The following PCSK2 variants were observed in gnomAD, a reference collection of about 807,000 sequenced individuals.
PCSK2 encodes neuroendocrine convertase 2.
PCSK2 carries 14 observed loss-of-function variants against 69.7 expected under a neutral mutation model. The observed-to-expected ratio is 0.20, with a 90% CI of 0.13 to 0.31. PCSK2 has a LOEUF of 0.31. Ranked by LOEUF, PCSK2 falls within the 10% of genes least tolerant of loss-of-function variation. PCSK2 has a pLI of 1.00. For synonymous variants in PCSK2, 307 were observed against 320.7 expected (o/e 0.96, Z 0.46); for missense variants, 544 against 842.5 (o/e 0.65, Z 4.39).
chr20:17,295,445 A>T (rs2123075166), intron 2 of PCSK2, among the ~76,000 whole-genome samples: 1 of 151,348 alleles, frequency 6.6e-6, no homozygotes, highest in East Asian at 1.9e-4. Flanking sequence ...ACTTCTACAG[A>T]TTTGTCCCTA....
Position 17,482,004 on chromosome 20 carries a change from G to GGAGCTGGAGGAA in PCSK2, c.1860_1871dup (p.Glu620_Leu623dup). 3.1e-6 allele frequency: 5 copies of GGAGCTGGAGGAA among 1,612,198 alleles called. No homozygotes were observed. In the South Asian group the frequency reaches 3.3e-5, roughly 11 times the overall value. ...CCAAGTTGGCCATGTCCAAGAAAGA[G>GGAGCTGGAGGAA]GAGCTGGAGGAAGAGCTGGACGAAG... is the stretch of plus-strand genomic sequence containing the variant. On this transcript the variant is annotated inframe_insertion, in exon 12 of 12. Transcript: ENST00000262545.
At chr20:17,271,029 A>G (rs1247845408) in intron 2 of PCSK2, among the ~76,000 whole-genome samples, 1 of 127,834 alleles carries the variant, frequency 7.8e-6, no homozygotes, top group Non-Finnish European at 1.6e-5. Flanking sequence ...ACTGGTTAAT[A>G]TCAAAGCCAC....
chr20:17,319,181 C>T (rs751689008), intron 2 of PCSK2, among the ~76,000 whole-genome samples: 17 of 152,086 alleles, frequency 1.1e-4, no homozygotes, highest in East Asian at 1.9e-4. Context: ...TACCAAGCTA[C>T]GCCCCGATAA....
intron 5 of PCSK2, among the ~76,000 whole-genome samples, chr20:17,401,581 A>T (rs2031638722): frequency 6.6e-6 from 1 of 152,216 alleles, no homozygotes; most frequent in Admixed American, 6.5e-5. Context: ...GAATGCTATT[A>T]TATGGAAGCA....
At chr20:17,351,913 C>G (rs766429128) in intron 2 of PCSK2, among the ~76,000 whole-genome samples, 1 of 152,166 alleles carries the variant, frequency 6.6e-6, no homozygotes, top group Non-Finnish European at 1.5e-5. Flanking sequence ...CAACTTATAT[C>G]TCTTCATTTA....
At chr20:17,444,857 A>G (rs2269018) in intron 8 of PCSK2, among the ~76,000 whole-genome samples, 4,008 of 152,334 alleles carry the variant, frequency 0.026, 148 homozygotes, top group East Asian at 0.18. Context: ...AATAAAACCC[A>G]TTGATGAGGT....
intron 2 of PCSK2, among the ~76,000 whole-genome samples, chr20:17,347,920 G>GA (rs1168583425): frequency 3.2e-5 from 2 of 63,060 alleles, no homozygotes; most frequent in African/African-American, 1.4e-4. Flanking sequence ...AAGAAAGAAA[G>GA]GAGAGAGAAA....
intron 1 of PCSK2, among the ~76,000 whole-genome samples, chr20:17,244,172 G>A (rs1600404507): frequency 6.6e-6 from 1 of 152,148 alleles, no homozygotes; most frequent in Non-Finnish European, 1.5e-5. Context: ...TTTAAATGCA[G>A]TAAAATGTTA....
intron 8 of PCSK2, among the ~76,000 whole-genome samples, chr20:17,442,894 A>C (rs1261081789): frequency 6.6e-6 from 1 of 152,216 alleles, no homozygotes; most frequent in African/African-American, 2.4e-5. Context: ...TTCTCCCTGC[A>C]AGTAACAGCC....
At chr20:17,430,834 C>T (rs2032348623) in intron 7 of PCSK2, among the ~76,000 whole-genome samples, 1 of 152,062 alleles carries the variant, frequency 6.6e-6, no homozygotes, top group Non-Finnish European at 1.5e-5. Flanking sequence ...TTCTTGTTCA[C>T]ACACCCAAGG....
chr20:17,310,012 C>A (rs1227493524), intron 2 of PCSK2, among the ~76,000 whole-genome samples: 3 of 151,938 alleles, frequency 2.0e-5, no homozygotes. Flanking sequence ...CCGGGGAGGC[C>A]TCTGGAAGCT....
At chr20:17,393,949 T>G (rs1350182312) in intron 5 of PCSK2, among the ~76,000 whole-genome samples, 1 of 152,216 alleles carries the variant, frequency 6.6e-6, no homozygotes, top group East Asian at 1.9e-4. Context: ...TTGGAAACTC[T>G]TGGAAGCATG....
chr20:17,383,368 G>A (rs1244749453), intron 5 of PCSK2, among the ~76,000 whole-genome samples: 1 of 152,190 alleles, frequency 6.6e-6, no homozygotes, highest in Non-Finnish European at 1.5e-5. Context: ...GAACACTTCA[G>A]TACTTCTTTA....
At chr20:17,301,588 A>G (rs911808195) in intron 2 of PCSK2, among the ~76,000 whole-genome samples, 6 of 152,190 alleles carry the variant, frequency 3.9e-5, no homozygotes, top group Non-Finnish European at 7.4e-5. Flanking sequence ...ATATCACCTT[A>G]TATTAGAGAT....
At chr20:17,396,999 A>G (rs1319566624) in intron 5 of PCSK2, among the ~76,000 whole-genome samples, 1 of 152,196 alleles carries the variant, frequency 6.6e-6, no homozygotes, top group Non-Finnish European at 1.5e-5. Flanking sequence ...ATCTGCTTCA[A>G]GCGATACTCA....
At chr20:17,297,601 C>A (rs1422605279) in intron 2 of PCSK2, among the ~76,000 whole-genome samples, 1 of 152,200 alleles carries the variant, frequency 6.6e-6, no homozygotes, top group Non-Finnish European at 1.5e-5. Context: ...CTGGAGCTTG[C>A]TCATTACATG....
intron 4 of PCSK2, among the ~76,000 whole-genome samples, chr20:17,360,931 C>T (rs984552702): frequency 2.0e-5 from 3 of 152,216 alleles, no homozygotes; most frequent in African/African-American, 7.2e-5. Flanking sequence ...TTACACTTTA[C>T]CTTAAAATGT....
intron 2 of PCSK2, among the ~76,000 whole-genome samples, chr20:17,322,419 C>T (rs556147891): frequency 6.6e-6 from 1 of 152,270 alleles, no homozygotes; most frequent in East Asian, 1.9e-4. Context: ...GCCCAACCCC[C>T]CTTCCTCAGA....
At chr20:17,319,326 G>A (rs59300205) in intron 2 of PCSK2, among the ~76,000 whole-genome samples, 24,336 of 152,152 alleles carry the variant, frequency 0.16, 2,054 homozygotes, top group Middle Eastern at 0.2. Context: ...TCCGCTAGGC[G>A]GATCTTCTGC....
Sources: gnomAD v4.1 joint callset for allele counts (sites outside exome capture counted in the v4.1 genomes callset) on GRCh38, gnomAD v4.1.1 for gene constraint, MANE v1.5 for transcripts, NCBI Gene and HGNC (gene_info 2026-07-23, HGNC 2026-07-21) for gene names.